SLAIN2: variants seen among roughly 807,000 people sequenced by gnomAD.
SLAIN2 encodes SLAIN family member 2.
Under a neutral mutation model 56.6 loss-of-function variants are expected in SLAIN2, and 31 were observed. The observed-to-expected ratio is 0.55, with a 90% CI of 0.41 to 0.74. The LOEUF (loss-of-function observed/expected upper bound fraction) is 0.74. SLAIN2 is among the 30% of genes least tolerant of loss of function. The probability of loss-of-function intolerance (pLI) is 0.00; values close to 1 mark genes in which losing one functional copy is unlikely to be tolerated. For missense variants in SLAIN2, 777 were observed against 754.2 expected, an observed-to-expected ratio of 1.03 and a Z score of -0.35; for synonymous variants, 317 against 284.9, an observed-to-expected ratio of 1.11 and a Z score of -1.13.
At chr4:48,397,831 G>T (rs1418794710) in intron 6 of SLAIN2, among the ~76,000 whole-genome samples, 2 of 152,254 alleles carry the variant, frequency 1.3e-5, no homozygotes, top group Admixed American at 1.3e-4. Flanking sequence ...CAAAGGACAT[G>T]AACTCTTTCT....
chr4:48,402,071 T>C (rs960823693), intron 6 of SLAIN2, among the ~76,000 whole-genome samples: 4 of 152,188 alleles, frequency 2.6e-5, no homozygotes, highest in African/African-American at 9.7e-5. Context: ...GAAATTCTTT[T>C]CTTAAGGAAT....
chr4:48,397,712 A>G (rs879632191), intron 6 of SLAIN2, among the ~76,000 whole-genome samples: 1 of 152,110 alleles, frequency 6.6e-6, no homozygotes, highest in African/African-American at 2.4e-5. Flanking sequence ...CAGTGTGTCC[A>G]TGTGCTCTTA....
intron 1 of SLAIN2, among the ~76,000 whole-genome samples, chr4:48,363,989 C>G (rs1350530711): frequency 2.4e-5 from 3 of 124,196 alleles, no homozygotes; most frequent in Non-Finnish European, 5.5e-5. Context: ...CCCCCCACCT[C>G]CCTCCCGGAC....
chr4:48,370,370 G>A (rs1363442763), intron 2 of SLAIN2, among the ~76,000 whole-genome samples: 1 of 152,150 alleles, frequency 6.6e-6, no homozygotes, highest in Non-Finnish European at 1.5e-5. Flanking sequence ...AGATACAAGT[G>A]GAGAGCTACA....
chr4:48,345,608 A>T (rs1272566029), intron 1 of SLAIN2, among the ~76,000 whole-genome samples: 4 of 151,948 alleles, frequency 2.6e-5, no homozygotes, highest in African/African-American at 9.7e-5. Context: ...AAGATGTTAA[A>T]CTGTGTCTTC....
rs534272358 is a variant in SLAIN2 at position 48,357,712 on chromosome 4, C to T, written c.390-12137C>T. On this transcript the variant is annotated intron_variant, in intron 1 of 7. Coordinates refer to ENST00000264313, the MANE Select transcript of SLAIN2 (RefSeq NM_020846.2). ...CTGGGACTACAGGCATGCACCACCA[C>T]GCCCGGCTAATTTTGCATTTTTGGT... is the stretch of plus-strand genomic sequence containing the variant. Among the ~76,000 whole-genome samples the T allele has an allele frequency of 6.6e-5, 10 of 152,258 alleles. No individual in the cohort carries two copies. In the South Asian group the frequency reaches 8.3e-4, roughly 13 times the overall value.
At chr4:48,388,870 A>C (rs796528525) in intron 6 of SLAIN2, among the ~76,000 whole-genome samples, 26 of 152,350 alleles carry the variant, frequency 1.7e-4, no homozygotes, top group African/African-American at 5.8e-4. Flanking sequence ...AAACAAAAGA[A>C]TATTTTTGCA....
chr4:48,343,093 G>A (rs1172085902), intron 1 of SLAIN2, among the ~76,000 whole-genome samples: 1 of 152,060 alleles, frequency 6.6e-6, no homozygotes, highest in Non-Finnish European at 1.5e-5. Context: ...CTGCTCTATT[G>A]AAATTAAAAC....
chr4:48,374,980 T>G (rs1439847641), intron 2 of SLAIN2, among the ~76,000 whole-genome samples: 1 of 152,106 alleles, frequency 6.6e-6, no homozygotes, highest in African/African-American at 2.4e-5. Flanking sequence ...GGGAGAGACA[T>G]TAAATGGGTG....
At chr4:48,382,964 C>T in intron 5 of SLAIN2, 37 bp downstream of exon 5, 1 of 1,526,820 alleles carries the variant, frequency 6.5e-7, no homozygotes, top group Non-Finnish European at 8.8e-7. Flanking sequence ...TAGACAGTTT[C>T]TGCTAGCCTG....
In SLAIN2 at chr4:48,412,398, AC is replaced by A. The variant is rs1560465819; in HGVS notation, c.1361-7726del. Reference sequence around the variant, plus strand: ...CACACACACACACACACACACACACACACACACACACACACACATTCCCTCT... The same window carrying A: ...CACACACACACACACACACACACACAACACACACACACACACATTCCCTCT... On this transcript the variant is annotated intron_variant, in intron 6 of 7. Coordinates refer to ENST00000264313, the MANE Select transcript of SLAIN2 (RefSeq NM_020846.2). 3.9e-3 allele frequency among the ~76,000 whole-genome samples: 227 copies of A among 57,684 alleles called. 10 individuals are homozygous for A. Among genetic ancestry groups the A allele is most frequent in the African/African-American group, 0.011 (217 of 18,880 alleles). 37.8% of individuals were successfully genotyped at this position (57,684 alleles called of 152,430 possible). A position where few individuals can be genotyped will look rare whatever the true frequency, so the allele number is the denominator to read the frequency against.
intron 6 of SLAIN2, among the ~76,000 whole-genome samples, chr4:48,401,734 T>C (rs1716562255): frequency 6.6e-6 from 1 of 152,198 alleles, no homozygotes; most frequent in African/African-American, 2.4e-5. Context: ...AGCTTGCTAC[T>C]CTGTGTCTTT....
intron 1 of SLAIN2, among the ~76,000 whole-genome samples, chr4:48,369,636 T>C (rs1715613559): frequency 6.6e-6 from 1 of 152,164 alleles, no homozygotes; most frequent in Non-Finnish European, 1.5e-5. Context: ...TAGGAATACC[T>C]CATTTGGGTT....
chr4:48,420,336 C>T lies in SLAIN2; in HGVS notation c.1572C>T (p.Thr524=). The T allele has an allele frequency of 6.2e-7, 1 of 1,614,010 alleles. No homozygotes were observed. Among genetic ancestry groups the T allele is most frequent in the South Asian group, 1.1e-5 (1 of 91,084 alleles). The change falls in exon 7 of 8, where the codon ACC becomes ACT. Residue 524 remains threonine (T), a synonymous_variant. Coordinates refer to ENST00000264313, the MANE Select transcript of SLAIN2 (RefSeq NM_020846.2). ...GCAATATCAACAGCGCTACTCTAAC[C>T]AGACCTGCAGGGACAACTGCAATGA... The part of the protein sequence containing the change: ...PPSNINSATL[T]RPAGTTAMRS...
chr4:48,358,719 T>C (rs1238751939), intron 1 of SLAIN2, among the ~76,000 whole-genome samples: 1 of 138,216 alleles, frequency 7.2e-6, no homozygotes, highest in Non-Finnish European at 1.6e-5. Context: ...TATTTTTTTA[T>C]TTATTTTTAT....
intron 6 of SLAIN2, among the ~76,000 whole-genome samples, chr4:48,417,861 AG>A (rs1268743649): frequency 6.6e-6 from 1 of 152,144 alleles, no homozygotes; most frequent in East Asian, 1.9e-4. Flanking sequence ...CAAAATAATA[AG>A]AGCTATCTAT....
At chr4:48,421,308 T>C (rs1016837605) in intron 7 of SLAIN2, among the ~76,000 whole-genome samples, 8 of 152,096 alleles carry the variant, frequency 5.3e-5, no homozygotes, top group Non-Finnish European at 8.8e-5. Context: ...TGTTTGTTTG[T>C]TGTTTGTTTG....
At chr4:48,355,874 C>T (rs1715142820) in intron 1 of SLAIN2, among the ~76,000 whole-genome samples, 1 of 151,806 alleles carries the variant, frequency 6.6e-6, no homozygotes, top group Non-Finnish European at 1.5e-5. Flanking sequence ...TTTATTATAA[C>T]TCAAAATAAT....
At chr4:48,356,317 T>C (rs2109739792) in intron 1 of SLAIN2, among the ~76,000 whole-genome samples, 1 of 152,342 alleles carries the variant, frequency 6.6e-6, no homozygotes, top group Admixed American at 6.5e-5. Flanking sequence ...TATACCCATG[T>C]GTGTTTTCTA....
Sources: gnomAD v4.1 joint callset for allele counts (sites outside exome capture counted in the v4.1 genomes callset) on GRCh38, gnomAD v4.1.1 for gene constraint, MANE v1.5 for transcripts, NCBI Gene and HGNC (gene_info 2026-07-23, HGNC 2026-07-21) for gene names.